CHORDC1: variants seen among roughly 807,000 people sequenced by gnomAD.
CHORDC1 encodes cysteine and histidine rich domain containing 1, also known as cysteine and histidine-rich domain-containing protein 1.
Under a neutral mutation model 48.3 loss-of-function variants are expected in CHORDC1, and 25 were observed. That is an observed-to-expected ratio of 0.52 (90% confidence interval 0.38 to 0.72). The LOEUF is 0.72. Among genes scored for constraint, CHORDC1 ranks in the 30% least tolerant of loss-of-function variants. CHORDC1 has a pLI of 0.00. For synonymous variants in CHORDC1, 128 were observed against 126.4 expected, an observed-to-expected ratio of 1.01 and a Z score of -0.09; for missense variants, 317 against 388.7, an observed-to-expected ratio of 0.82 and a Z score of 1.55.
At chr11:90,204,710 A>G (rs1857627421) in intron 8 of CHORDC1, among the ~76,000 whole-genome samples, 1 of 152,066 alleles carries the variant, frequency 6.6e-6, no homozygotes, top group Admixed American at 6.5e-5. Flanking sequence ...CTCTGTCTCA[A>G]GAAAAAAAAA....
chr11:90,208,666 CAT>C (rs948274435), intron 6 of CHORDC1: 6 of 152,016 alleles, frequency 3.9e-5, no homozygotes, highest in African/African-American at 1.2e-4. Context: ...ACAGAAAAAA[CAT>C]ATGTTGACTG....
chr11:90,218,634 T>A (rs958782408), intron 1 of CHORDC1, among the ~76,000 whole-genome samples: 1 of 152,248 alleles, frequency 6.6e-6, no homozygotes, highest in Non-Finnish European at 1.5e-5. Context: ...TTTTAAATAC[T>A]GTAAAGATTT....
At chr11:90,221,310 T>C (rs546454263) in intron 1 of CHORDC1, among the ~76,000 whole-genome samples, 1 of 152,042 alleles carries the variant, frequency 6.6e-6, no homozygotes, top group South Asian at 2.1e-4. Flanking sequence ...TTCCATTCAC[T>C]CAATCAGTTT....
At chr11:90,213,333 C>CAA (rs1857919781) in intron 4 of CHORDC1, 4 of 548,836 alleles carry the variant, frequency 7.3e-6, no homozygotes, top group South Asian at 2.1e-5. Context: ...CTACTTGCAG[C>CAA]CAAAAAAAAA....
At chr11:90,219,063 C>T (rs1472302861) in intron 1 of CHORDC1, among the ~76,000 whole-genome samples, 6 of 151,762 alleles carry the variant, frequency 4.0e-5, no homozygotes, top group African/African-American at 4.8e-5. Context: ...GTCAGGAGTA[C>T]GAGACCAGCC....
intron 8 of CHORDC1, among the ~76,000 whole-genome samples, 168 bp downstream of exon 8, chr11:90,205,291 AC>A (rs1308662676): frequency 2.0e-5 from 3 of 152,250 alleles, no homozygotes. Context: ...AAAAGGCAGT[AC>A]ACTGGCAGCT....
At chr11:90,212,449 G>GT (rs1469510284) in intron 4 of CHORDC1, 1 of 151,774 alleles carries the variant, frequency 6.6e-6, no homozygotes, top group African/African-American at 2.4e-5. Flanking sequence ...GTGTTTCTTC[G>GT]TAACTGTGAA....
chr11:90,202,401 C>T lies in CHORDC1; in HGVS notation c.*4G>A. 6.2e-7 allele frequency: 1 copy of T among 1,611,166 alleles called. No homozygotes were observed. Among genetic ancestry groups the T allele is most frequent in the Non-Finnish European group, 8.5e-7 (1 of 1,179,278 alleles). ...AATGTAATAGCCTTCCTTCCATCTCCCACTCAATCTGTTGTGGCATCTTTT... is the reference window on the plus strand; with the variant it reads ...AATGTAATAGCCTTCCTTCCATCTCTCACTCAATCTGTTGTGGCATCTTTT... On this transcript the variant is annotated 3_prime_UTR_variant, in exon 11 of 11. Coordinates refer to ENST00000320585, the MANE Select transcript of CHORDC1 (RefSeq NM_012124.3).
Position 90,214,193 on chromosome 11 carries a change from T to C in CHORDC1, c.172-18A>G. 6.4e-7 allele frequency: 1 copy of C among 1,562,470 alleles called. No individual in the cohort carries two copies. The highest frequency in any genetic ancestry group is 1.2e-5 in the South Asian group (1 of 82,160). ...GTACAGCCCTGTTAGTGAAAGATAA[T>C]TCATTAAGAGCTATCTATTTTACAT... On this transcript the variant is annotated intron_variant, in intron 3 of 10. Transcript: ENST00000320585.
intron 5 of CHORDC1, chr11:90,210,899 T>C (rs1233294918): frequency 3.0e-6 from 1 of 333,332 alleles, no homozygotes; most frequent in East Asian, 6.0e-5. Context: ...CAGAGAATAG[T>C]GAATATATTT....
At chr11:90,205,359 A>T (rs1857651324) in intron 8 of CHORDC1, 101 bp downstream of exon 8, 1 of 815,172 alleles carries the variant, frequency 1.2e-6, no homozygotes, top group East Asian at 2.5e-5. Flanking sequence ...GCAAAAAAGA[A>T]AACTTTTTTT....
At chr11:90,214,873 T>G (rs550144099) in intron 3 of CHORDC1, among the ~76,000 whole-genome samples, 15 of 152,076 alleles carry the variant, frequency 9.9e-5, no homozygotes, top group Non-Finnish European at 2.2e-4. Context: ...AACTTTATCG[T>G]TCCTAACTGA....
At chr11:90,210,639 CT>C (rs1484765962) in intron 5 of CHORDC1, 45 bp from the exon 6 acceptor site, 1 of 1,240,106 alleles carries the variant, frequency 8.1e-7, no homozygotes, top group Non-Finnish European at 1.2e-6. Flanking sequence ...TAAAATAGAA[CT>C]TCGCTGTGGC....
intron 1 of CHORDC1, among the ~76,000 whole-genome samples, chr11:90,220,269 T>C (rs527940504): frequency 2.6e-5 from 4 of 152,338 alleles, no homozygotes; most frequent in Admixed American, 2.6e-4. Context: ...CCAGTATTGC[T>C]TCCTTAGTAA....
At position 90,206,269 on chromosome 11, in the gene CHORDC1, A is replaced by G. The variant is rs778379018; in HGVS notation, c.496T>C (p.Tyr166His). The change falls in exon 7 of 11, where the codon TAC becomes CAC. Residue 166 changes from tyrosine to histidine, a missense_variant. Tyr to His is a moderately conservative substitution (Grantham distance 83). Transcript: ENST00000320585. Reference sequence around the variant, plus strand: ...TCTTCTAGACTCTCTAGACCCTGGTATGTCTAAAAAGGAAACAAAGAGAAA... The same window carrying G: ...TCTTCTAGACTCTCTAGACCCTGGTGTGTCTAAAAAGGAAACAAAGAGAAA... ...SCKNGGCSKTYQGLESLEEVC... is the reference protein window; with the variant it reads ...SCKNGGCSKTHQGLESLEEVC... 10 of 1,531,136 alleles carry G rather than the reference A, an allele frequency of 6.5e-6. No homozygotes were observed. Among genetic ancestry groups the G allele is most frequent in the Non-Finnish European group, 9.0e-6 (10 of 1,106,674 alleles). 94.8% of individuals were successfully genotyped at this position (1,531,136 alleles called of 1,614,324 possible).
At chr11:90,216,492 T>C (rs1858015314) in intron 2 of CHORDC1, 1 of 406,912 alleles carries the variant, frequency 2.5e-6, no homozygotes, top group Non-Finnish European at 4.8e-6. Flanking sequence ...TGTATTGATG[T>C]ATACGCATTT....
rs1857531480 is a variant in CHORDC1 at position 90,200,980 on chromosome 11, C to CA, written c.*1424_*1425insT. Reference sequence around the variant, plus strand: ...GTCCAACTTTTACTGCCCAGAGTTTCTTGTCATGGTAATGTAACATCATGA... The same window carrying CA: ...GTCCAACTTTTACTGCCCAGAGTTTCATTGTCATGGTAATGTAACATCATGA... On this transcript the variant is annotated 3_prime_UTR_variant, in exon 11 of 11. Coordinates refer to ENST00000320585, the MANE Select transcript of CHORDC1 (RefSeq NM_012124.3). Among the ~76,000 whole-genome samples the CA allele has an allele frequency of 1.3e-5, 2 of 152,014 alleles. No homozygotes were observed. The highest frequency in any genetic ancestry group is 2.9e-5 in the Non-Finnish European group (2 of 67,844).
intron 6 of CHORDC1, among the ~76,000 whole-genome samples, chr11:90,210,227 T>C (rs544804130): frequency 6.6e-6 from 1 of 152,336 alleles, no homozygotes; most frequent in South Asian, 2.1e-4. Flanking sequence ...CTTCTCCCCA[T>C]TCTAGAATAT....
intron 2 of CHORDC1, 75 bp from the exon 3 acceptor site, chr11:90,215,305 C>A: frequency 2.1e-6 from 2 of 940,376 alleles, no homozygotes; most frequent in South Asian, 1.7e-5. Context: ...ACTCTACTTG[C>A]ACTTATCTAC....
Sources: gnomAD v4.1 joint callset for allele counts (sites outside exome capture counted in the v4.1 genomes callset) on GRCh38, gnomAD v4.1.1 for gene constraint, MANE v1.5 for transcripts, NCBI Gene and HGNC (gene_info 2026-07-23, HGNC 2026-07-21) for gene names.